Variants in ARHGAP29 observed in about 807,000 individuals in gnomAD.
The protein encoded by ARHGAP29 is rho GTPase-activating protein 29.
A neutral mutation model predicts 122.6 loss-of-function variants in ARHGAP29; 43 were observed. The observed-to-expected ratio is 0.35, with a 90% CI of 0.27 to 0.45. The LOEUF is 0.45. ARHGAP29 is among the 20% of genes least tolerant of loss of function. The pLI is 1.00. For synonymous variants in ARHGAP29, 506 were observed against 497.1 expected (o/e 1.02, Z -0.24); for missense variants, 1,303 against 1,477.2 (o/e 0.88, Z 1.93).
upstream of ARHGAP29, among the ~76,000 whole-genome samples, chr1:94,279,113 A>C (rs1177885950): frequency 6.6e-6 from 1 of 152,084 alleles, no homozygotes; most frequent in East Asian, 1.9e-4. Context: ...AGCTTCTTTG[A>C]TCCTTTTGGC....
rs1167000366 is a variant in ARHGAP29, at chr1:94,185,004, A to G, written c.1977T>C (p.His659=). 5.0e-6 allele frequency: 8 copies of G among 1,612,960 alleles called. No individual in the cohort carries two copies. Among genetic ancestry groups the G allele is most frequent in the Non-Finnish European group, 6.8e-6 (8 of 1,179,684 alleles). ...AGTGTATTTTTCCTGGAAGTTTCTG[A>G]TGACCACAAATAATGACTAAATTTT... ...CLENLVIICG[H]QKLPGKIHLF... Residue 659 remains histidine (H), a synonymous_variant, in exon 18 of 23, where the codon CAT becomes CAC. Transcript: ENST00000260526.
intron 5 of ARHGAP29, among the ~76,000 whole-genome samples, chr1:94,207,629 T>A (rs980388017): frequency 1.3e-5 from 2 of 152,142 alleles, no homozygotes; most frequent in African/African-American, 4.8e-5. Context: ...TCATGAATAA[T>A]AGCAAAATAT....
intron 14 of ARHGAP29, 35 bp from the exon 15 acceptor site, chr1:94,188,976 C>T (rs1649972871): frequency 6.3e-7 from 1 of 1,585,236 alleles, no homozygotes; most frequent in Non-Finnish European, 8.6e-7. Flanking sequence ...AACTTGGCTA[C>T]AGGTAGATTT....
chr1:94,282,460 A>AT, the ARHGAP29 span, among the ~76,000 whole-genome samples: 367 of 151,674 alleles, frequency 2.4e-3, no homozygotes, highest in African/African-American at 8.5e-3. Flanking sequence ...TAATTTTTGT[A>AT]TTTTTTGTAG....
chr1:94,282,735 G>A, the ARHGAP29 span, among the ~76,000 whole-genome samples: 1 of 152,146 alleles, frequency 6.6e-6, no homozygotes, highest in Non-Finnish European at 1.5e-5. Context: ...TTTTCTTCTG[G>A]ATGATGAGAG....
chr1:94,296,695 C>T, the ARHGAP29 span, among the ~76,000 whole-genome samples: 3 of 152,090 alleles, frequency 2.0e-5, no homozygotes, highest in African/African-American at 4.8e-5. Context: ...AGACTTTGGC[C>T]TCCCCCAACA....
chr1:94,207,028 A>T (rs1651245853), intron 5 of ARHGAP29, among the ~76,000 whole-genome samples: 1 of 141,762 alleles, frequency 7.1e-6, no homozygotes, highest in African/African-American at 2.7e-5. Flanking sequence ...TTTATTTTTG[A>T]GACAGAGTCT....
chr1:94,292,222 C>T, the ARHGAP29 span, among the ~76,000 whole-genome samples: 1 of 152,146 alleles, frequency 6.6e-6, no homozygotes, highest in South Asian at 2.1e-4. Context: ...TCACTGATGT[C>T]CTTTCTTCCA....
chr1:94,238,252 G>C (rs1366961887), upstream of ARHGAP29, among the ~76,000 whole-genome samples: 1 of 151,554 alleles, frequency 6.6e-6, no homozygotes, highest in Non-Finnish European at 1.5e-5. Context: ...GTAGAGGCAG[G>C]GTTTCGCTAT....
chr1:94,190,737 C>T (rs953429467), intron 12 of ARHGAP29: 1 of 152,112 alleles, frequency 6.6e-6, no homozygotes, highest in African/African-American at 2.4e-5. Context: ...AAAACCTAGG[C>T]TTTGGGTATA....
chr1:94,310,796 G>C, the ARHGAP29 span, among the ~76,000 whole-genome samples: 1 of 151,992 alleles, frequency 6.6e-6, no homozygotes, highest in African/African-American at 2.4e-5. Flanking sequence ...GGGCAGGAGA[G>C]GGGGAGTCAA....
chr1:94,290,471 A>C, the ARHGAP29 span, among the ~76,000 whole-genome samples: 1 of 151,638 alleles, frequency 6.6e-6, no homozygotes, highest in African/African-American at 2.4e-5. Flanking sequence ...TTAGCTTTTG[A>C]ATTTGTTTGC....
chr1:94,299,086 C>A, the ARHGAP29 span, among the ~76,000 whole-genome samples: 1 of 152,204 alleles, frequency 6.6e-6, no homozygotes, highest in Admixed American at 6.5e-5. Context: ...CTGCACATTT[C>A]ATCACAAATG....
the ARHGAP29 span, among the ~76,000 whole-genome samples, chr1:94,303,323 T>C: frequency 4.6e-5 from 7 of 152,276 alleles, no homozygotes; most frequent in African/African-American, 1.4e-4. Context: ...AAAGGACAAA[T>C]ACTGCATAAT....
upstream of ARHGAP29, chr1:94,275,123 C>G (rs1047538710): frequency 1.3e-5 from 2 of 152,168 alleles, no homozygotes; most frequent in African/African-American, 4.8e-5. Flanking sequence ...AACTCTGAGC[C>G]TAGCGATTTA....
Position 94,189,981 on chromosome 1 carries a change from C to T in ARHGAP29, c.1384G>A (p.Glu462Lys), listed in dbSNP as rs760955075. Residue 462 changes from glutamate (E) to lysine (K), a missense_variant, in exon 13 of 23, where the codon GAG becomes AAG. Physicochemically the swap from Glu to Lys is moderately conservative, Grantham distance 56 (BLOSUM62 1). Transcript: ENST00000260526. ...GTGGCCTTGACAAATTCACTGTACT[C>T]TTGGCCTGGGTCATAGAGTTTGGCA... Reference protein sequence around the residue: ...DSAKLYDPGQEYSEFVKATNS... With the variant: ...DSAKLYDPGQKYSEFVKATNS... 4 of 1,613,520 alleles carry T rather than the reference C, an allele frequency of 2.5e-6. No individual in the cohort carries two copies. In the South Asian group the frequency reaches 4.4e-5, roughly 18 times the overall value.
the ARHGAP29 span, chr1:94,302,162 A>G: frequency 7.3e-6 from 2 of 273,096 alleles, no homozygotes; most frequent in South Asian, 4.4e-5. Flanking sequence ...ATGGTCTACC[A>G]TGGAATCACA....
chr1:94,180,913 G>T (rs1172290208), intron 19 of ARHGAP29, among the ~76,000 whole-genome samples: 1 of 152,162 alleles, frequency 6.6e-6, no homozygotes, highest in African/African-American at 2.4e-5. Flanking sequence ...GATTCATTAT[G>T]AGATTTATAG....
intron 2 of ARHGAP29, among the ~76,000 whole-genome samples, chr1:94,227,738 G>C (rs1002225100): frequency 2.6e-5 from 4 of 151,682 alleles, no homozygotes; most frequent in African/African-American, 7.2e-5. Context: ...AAGCACTTAT[G>C]AATCTGTTAT....
Sources: allele counts gnomAD v4.1 joint callset (sites outside exome capture counted in the v4.1 genomes callset), GRCh38; gene constraint gnomAD v4.1.1; transcripts MANE v1.5; gene names NCBI Gene and HGNC (gene_info 2026-07-23, HGNC 2026-07-21).